LZTFL1: variants seen among roughly 807,000 people sequenced by gnomAD.
LZTFL1 encodes the protein leucine zipper transcription factor like 1.
A neutral mutation model predicts 45.9 loss-of-function variants in LZTFL1; 25 were observed. That is an observed-to-expected ratio of 0.54 (90% CI 0.40 to 0.76). The LOEUF is 0.76. Among genes scored for constraint, LZTFL1 ranks in the 30% least tolerant of loss-of-function variants. LZTFL1 has a pLI of 0.00. For synonymous variants in LZTFL1, 93 were observed against 117.4 expected, an observed-to-expected ratio of 0.79 and a Z score of 1.35; for missense variants, 277 against 331.1, an observed-to-expected ratio of 0.84 and a Z score of 1.27.
chr3:45,837,887 C>T (rs1343817473), intron 2 of LZTFL1, 40 bp downstream of exon 2: 1 of 1,553,316 alleles, frequency 6.4e-7, no homozygotes, highest in Non-Finnish European at 8.7e-7. Context: ...AGAAAGAATC[C>T]ATGTTCCTAT....
chr3:45,899,717 G>T (rs1270127780), intron 2 of LZTFL1, among the ~76,000 whole-genome samples: 1 of 152,128 alleles, frequency 6.6e-6, no homozygotes, highest in African/African-American at 2.4e-5. Flanking sequence ...GTGGGCAGAG[G>T]TTTTGGAAGG....
chr3:45,841,810 C>A, intron 1 of LZTFL1, 179 bp downstream of exon 1: 1 of 760,432 alleles, frequency 1.3e-6, no homozygotes, highest in East Asian at 2.7e-5. Context: ...CCCAGAAGGG[C>A]TTGGGCTGCG....
intron 1 of LZTFL1, among the ~76,000 whole-genome samples, chr3:45,914,041 C>T (rs532855047): frequency 5.0e-4 from 76 of 152,310 alleles, no homozygotes; most frequent in African/African-American, 1.7e-3. Context: ...TCCATCATTG[C>T]GCCCTAGTGC....
rs1257769197 is a variant in LZTFL1 at position 45,884,861 on chromosome 3, T to C, written c.-214-25845A>G. ...TCTAGCACCAGTTCCTTTTGTGTCTTTATTTGCCAAGTGAGAGGGAGGAGT... is the reference window on the plus strand; with the variant it reads ...TCTAGCACCAGTTCCTTTTGTGTCTCTATTTGCCAAGTGAGAGGGAGGAGT... On this transcript the variant is annotated intron_variant, in intron 2 of 4. Coordinates refer to the LZTFL1 transcript ENST00000472635. 2.0e-5 allele frequency among the ~76,000 whole-genome samples: 3 copies of C among 152,176 alleles called. No individual in the cohort carries two copies. The East Asian group carries it at 5.8e-4, about 29-fold the overall frequency.
At chr3:45,915,320 T>G in intron 1 of LZTFL1, 1 of 332,498 alleles carries the variant, frequency 3.0e-6, no homozygotes, top group Non-Finnish European at 6.1e-6. Flanking sequence ...TGCTTTGCTC[T>G]CCGATCTTTT....
intron 2 of LZTFL1, among the ~76,000 whole-genome samples, chr3:45,884,348 C>T (rs1701925122): frequency 6.6e-6 from 1 of 152,182 alleles, no homozygotes; most frequent in African/African-American, 2.4e-5. Flanking sequence ...TTTGCACAAG[C>T]TCCTTTGAGA....
chr3:45,842,318 T>C (rs1007826583), upstream of LZTFL1, among the ~76,000 whole-genome samples: 2 of 152,256 alleles, frequency 1.3e-5, no homozygotes. Flanking sequence ...AGGGTTGGGC[T>C]GCCTGGAGTT....
At chr3:45,881,386 T>C (rs559598410) in intron 2 of LZTFL1, among the ~76,000 whole-genome samples, 1 of 152,300 alleles carries the variant, frequency 6.6e-6, no homozygotes, top group South Asian at 2.1e-4. Flanking sequence ...CCAACTGGTT[T>C]TGTTCTCTTC....
At chr3:45,835,347 G>A (rs1296503996) in intron 3 of LZTFL1, 1 of 442,420 alleles carries the variant, frequency 2.3e-6, no homozygotes, top group Non-Finnish European at 4.0e-6. Flanking sequence ...ATGATAGCCT[G>A]AAAAGCAATT....
rs1371961106 is a variant in LZTFL1 at position 45,901,430 on chromosome 3, C to A, written c.-215+11690G>T. The A allele has an allele frequency of 6.2e-7, 1 of 1,614,214 alleles. No homozygotes were observed. Among genetic ancestry groups the A allele is most frequent in the Admixed American group, 1.7e-5 (1 of 60,028 alleles). On this transcript the variant is annotated intron_variant, in intron 2 of 4. Coordinates refer to the LZTFL1 transcript ENST00000472635. This position sits in a 1 kb window ranked among gnomAD's most constrained non-coding sequence, Gnocchi z 4.3. ...AGAGCACCAAACTGAAGTCAGCTGT[C>A]TTGACCCTGAAGGTCATTCTGGGGT...
At chr3:45,832,655 G>A (rs922722260) in intron 5 of LZTFL1, 25 of 155,704 alleles carry the variant, frequency 1.6e-4, no homozygotes, top group Admixed American at 3.9e-4. Context: ...TCTACCTCCC[G>A]GGTTCAAGCA....
At chr3:45,890,306 T>TATATATATAAATATATATATAAC (rs1553616524) in intron 2 of LZTFL1, among the ~76,000 whole-genome samples, 4,055 of 15,438 alleles carry the variant, frequency 0.26, 834 homozygotes, top group Non-Finnish European at 0.29. Flanking sequence ...ATATATAACA[T>TATATATATAAATATATATATAAC]ATATATATAT....
intron 2 of LZTFL1, among the ~76,000 whole-genome samples, chr3:45,896,005 T>C (rs1363371404): frequency 6.6e-6 from 1 of 152,230 alleles, no homozygotes. Context: ...TGAAACAGTT[T>C]ATCAACTAAA....
intron 4 of LZTFL1, among the ~76,000 whole-genome samples, chr3:45,850,007 G>A (rs976924185): frequency 6.6e-6 from 1 of 152,182 alleles, no homozygotes; most frequent in African/African-American, 2.4e-5. Flanking sequence ...GATCGCTGTC[G>A]TGTCCACATA....
At chr3:45,890,320 T>A (rs1334290734) in intron 2 of LZTFL1, among the ~76,000 whole-genome samples, 1 of 105,828 alleles carries the variant, frequency 9.4e-6, no homozygotes, top group African/African-American at 4.6e-5. Context: ...TATATATTTA[T>A]ATAAATATAT....
chr3:45,845,350 A>G (rs1348422689), upstream of LZTFL1, among the ~76,000 whole-genome samples: 1 of 152,210 alleles, frequency 6.6e-6, no homozygotes, highest in Non-Finnish European at 1.5e-5. Context: ...GTAGTAGGGT[A>G]GTTCAGAGAG....
intron 2 of LZTFL1, among the ~76,000 whole-genome samples, chr3:45,911,752 G>A (rs1399057344): frequency 6.6e-6 from 1 of 152,242 alleles, no homozygotes; most frequent in East Asian, 1.9e-4. Flanking sequence ...AGCTTTGCTG[G>A]TAAGTAGGTC....
chr3:45,909,160 A>G (rs984122730), intron 2 of LZTFL1, among the ~76,000 whole-genome samples: 1 of 152,176 alleles, frequency 6.6e-6, no homozygotes, highest in East Asian at 1.9e-4. Context: ...CAGGCTTCCC[A>G]CTGATTCTAC....
At chr3:45,856,007 A>G (rs1012123351) in intron 3 of LZTFL1, among the ~76,000 whole-genome samples, 7 of 152,192 alleles carry the variant, frequency 4.6e-5, no homozygotes, top group Admixed American at 4.6e-4. Flanking sequence ...TGCTATTCCC[A>G]TTAAACTACA....
Sources: gnomAD v4.1 joint callset for allele counts (sites outside exome capture counted in the v4.1 genomes callset) on GRCh38, gnomAD v4.1.1 for gene constraint, Gnocchi (gnomAD v3.1) non-coding constraint, MANE v1.5 for transcripts, NCBI Gene and HGNC (gene_info 2026-07-23, HGNC 2026-07-21) for gene names.